HECW1: variants seen among roughly 807,000 people sequenced by gnomAD.
The protein encoded by HECW1 is E3 ubiquitin-protein ligase HECW1.
A neutral mutation model predicts 182.3 loss-of-function variants in HECW1; 61 were observed. The ratio of observed to expected loss-of-function variants is 0.33; its 90% CI spans 0.27 to 0.41. The LOEUF is 0.41. Among genes scored for constraint, HECW1 ranks in the 10% least tolerant of loss-of-function variants. The pLI, the probability that HECW1 is intolerant of heterozygous loss-of-function variation, is 1.00. For synonymous variants in HECW1, 859 were observed against 832.6 expected (o/e 1.03, Z -0.55); for missense variants, 1,739 against 2,108.9 (o/e 0.82, Z 3.44).
At chr7:43,293,081 G>A (rs12671210) in intron 3 of HECW1, among the ~76,000 whole-genome samples, 8,841 of 151,918 alleles carry the variant, frequency 0.058, 413 homozygotes, top group Admixed American at 0.15. Flanking sequence ...TTAGCCGGGC[G>A]TGGTGGAAGG....
intron 2 of HECW1, among the ~76,000 whole-genome samples, chr7:43,185,430 C>A (rs1793305890): frequency 6.6e-6 from 1 of 152,160 alleles, no homozygotes; most frequent in African/African-American, 2.4e-5. Context: ...TAGGTGACAG[C>A]CTGCTTCTTG....
In HECW1 at chr7:43,554,847, T is replaced by C. The variant is rs2152961384; in HGVS notation, c.4709+57T>C. ...CTGCTGAAGAGGGCAAAGTATACTTTGCTATTTGATTTTGAGTGACCATCC... is the reference window on the plus strand; with the variant it reads ...CTGCTGAAGAGGGCAAAGTATACTTCGCTATTTGATTTTGAGTGACCATCC... On this transcript the variant is annotated intron_variant, in intron 29 of 29. Transcript: ENST00000395891. 6 of 1,487,012 alleles carry C rather than the reference T, an allele frequency of 4.0e-6. No individual in the cohort carries two copies. The Admixed American group carries it at 5.7e-5, about 14-fold the overall frequency. 92.1% of individuals were successfully genotyped at this position (1,487,012 alleles called of 1,614,324 possible). A position where few individuals can be genotyped will look rare whatever the true frequency, so the allele number is the denominator to read the frequency against.
At chr7:43,132,518 T>A (rs1265477943) in intron 2 of HECW1, among the ~76,000 whole-genome samples, 1 of 149,934 alleles carries the variant, frequency 6.7e-6, no homozygotes, top group African/African-American at 2.5e-5. Flanking sequence ...GAACAAGAGT[T>A]TCCTTCTCTC....
chr7:43,475,960 C>T (rs2078206289), intron 16 of HECW1, among the ~76,000 whole-genome samples: 1 of 152,126 alleles, frequency 6.6e-6, no homozygotes, highest in African/African-American at 2.4e-5. Flanking sequence ...ATTGTACAAT[C>T]GGGTCTAGTA....
rs559577574 is a variant in HECW1 at position 43,313,420 on chromosome 7, C to T, written c.352+1333C>T. 2.6e-3 allele frequency among the ~76,000 whole-genome samples: 400 copies of T among 151,590 alleles called. 5 individuals are homozygous for T. The highest frequency in any genetic ancestry group is 2.3e-3 in the Non-Finnish European group (158 of 67,988). On this transcript the variant is annotated intron_variant, in intron 4 of 29. Coordinates refer to ENST00000395891, the MANE Select transcript of HECW1 (RefSeq NM_015052.5). ...TGGTGCGATCTCAGCTCACCGCAAC[C>T]TCTGCCTCCCGGGTTCAAGTGATTC... is the stretch of plus-strand genomic sequence containing the variant.
chr7:43,372,516 C>T (rs6957804), intron 6 of HECW1, among the ~76,000 whole-genome samples: 4,310 of 152,100 alleles, frequency 0.028, 209 homozygotes, highest in African/African-American at 0.098. Context: ...TATCCCTCCC[C>T]GCTCCCCACT....
At chr7:43,274,600 C>T (rs993541940) in intron 3 of HECW1, 9 of 415,080 alleles carry the variant, frequency 2.2e-5, no homozygotes, top group Admixed American at 1.2e-4. Flanking sequence ...TTCCTCGCCC[C>T]GGGTGTGCCC....
At chr7:43,399,373 G>T (rs1183758147) in intron 7 of HECW1, among the ~76,000 whole-genome samples, 1 of 152,196 alleles carries the variant, frequency 6.6e-6, no homozygotes, top group East Asian at 1.9e-4. Context: ...CACTAATTTT[G>T]TACTTCTAAG....
chr7:43,156,805 GT>G (rs765432875), intron 2 of HECW1, among the ~76,000 whole-genome samples: 13 of 152,288 alleles, frequency 8.5e-5, no homozygotes, highest in Non-Finnish European at 1.9e-4. Flanking sequence ...CTAGGTTGAA[GT>G]TTATGAGGCC....
chr7:43,333,872 T>C (rs1811800537), intron 5 of HECW1, among the ~76,000 whole-genome samples: 1 of 152,168 alleles, frequency 6.6e-6, no homozygotes, highest in African/African-American at 2.4e-5. Context: ...GGCAGAAAGT[T>C]ACCACCTTTG....
chr7:43,437,763 G>T (rs2076757294), intron 8 of HECW1, among the ~76,000 whole-genome samples: 1 of 152,072 alleles, frequency 6.6e-6, no homozygotes, highest in South Asian at 2.1e-4. Flanking sequence ...TCTCTTTAAA[G>T]CATGCTGATT....
chr7:43,417,122 C>T (rs2076037342), intron 8 of HECW1, among the ~76,000 whole-genome samples: 1 of 152,206 alleles, frequency 6.6e-6, no homozygotes, highest in Non-Finnish European at 1.5e-5. Flanking sequence ...GCAATCTCGG[C>T]TCACTGCAAC....
At chr7:43,548,770 T>A (rs993693872) in intron 26 of HECW1, among the ~76,000 whole-genome samples, 4 of 152,062 alleles carry the variant, frequency 2.6e-5, no homozygotes, top group Non-Finnish European at 4.4e-5. Flanking sequence ...GGCGAAACCC[T>A]GTCTGTACTA....
At chr7:43,424,852 T>G (rs1357097743) in intron 8 of HECW1, among the ~76,000 whole-genome samples, 1 of 152,170 alleles carries the variant, frequency 6.6e-6, no homozygotes, top group African/African-American at 2.4e-5. Context: ...TGGGATTTTT[T>G]TAAAATTTTA....
intron 3 of HECW1, chr7:43,274,319 T>C (rs972176579): frequency 1.4e-5 from 14 of 978,690 alleles, no homozygotes; most frequent in Middle Eastern, 3.3e-4. Context: ...TTAAAGAAGA[T>C]GAAGATGACT....
intron 26 of HECW1, among the ~76,000 whole-genome samples, chr7:43,542,606 T>G (rs2081404730): frequency 6.6e-6 from 1 of 152,044 alleles, no homozygotes; most frequent in African/African-American, 2.4e-5. Flanking sequence ...AACACCTGGG[T>G]TTTTCCACCT....
At position 43,123,442 on chromosome 7, in the gene HECW1, C is replaced by T. The variant is rs185447241; in HGVS notation, c.-32+9051C>T. ...GAGACCACTGCTGTAGGAACATGCT[C>T]TCCTGTGACCCTGCGCTTTGACATA... On this transcript the variant is annotated intron_variant, in intron 2 of 29. Transcript: ENST00000395891. 2.0e-3 allele frequency among the ~76,000 whole-genome samples: 300 copies of T among 152,280 alleles called. 1 individual carries two copies. Among genetic ancestry groups the T allele is most frequent in the Non-Finnish European group, 3.6e-3 (243 of 68,006 alleles).
rs549601202 is a variant in HECW1, at chr7:43,335,377, A to G, written c.460+14635A>G. On this transcript the variant is annotated intron_variant, in intron 5 of 29. Coordinates refer to ENST00000395891, the MANE Select transcript of HECW1 (RefSeq NM_015052.5). ...GGTGACCTTACAACCTCGCTGCTATAGACTAATGTTTGTGAGTGGGCCCTC... is the reference window on the plus strand; with the variant it reads ...GGTGACCTTACAACCTCGCTGCTATGGACTAATGTTTGTGAGTGGGCCCTC... 9.2e-5 allele frequency among the ~76,000 whole-genome samples: 14 copies of G among 152,326 alleles called. No homozygotes were observed. The East Asian group carries it at 2.7e-3, about 29-fold the overall frequency.
chr7:43,329,313 C>T (rs745440361), intron 5 of HECW1, among the ~76,000 whole-genome samples: 1 of 152,064 alleles, frequency 6.6e-6, no homozygotes, highest in African/African-American at 2.4e-5. Flanking sequence ...CAGAGCTATG[C>T]AAATGCTTTA....
Sources: allele counts gnomAD v4.1 joint callset (sites outside exome capture counted in the v4.1 genomes callset), GRCh38; gene constraint gnomAD v4.1.1; transcripts MANE v1.5; gene names NCBI Gene and HGNC (gene_info 2026-07-23, HGNC 2026-07-21).